TRPM2: variants seen among roughly 807,000 people sequenced by gnomAD.
TRPM2 encodes the protein estrogen-responsive element-associated gene 1 protein.
TRPM2 carries 161 observed loss-of-function variants against 174.0 expected under a neutral mutation model. The ratio of observed to expected loss-of-function variants is 0.93; its 90% CI spans 0.81 to 1.05. The LOEUF (loss-of-function observed/expected upper bound fraction) is 1.05. Among genes scored for constraint, TRPM2 ranks in the 50% least tolerant of loss-of-function variants. The pLI, the probability that TRPM2 is intolerant of heterozygous loss-of-function variation, is 0.00. For missense variants in TRPM2, 2,057 were observed against 2,038.0 expected (o/e 1.01, Z -0.18); for synonymous variants, 954 against 861.3 (o/e 1.11, Z -1.88).
chr21:44,413,227 C>CTT (rs958225632), intron 19 of TRPM2, among the ~76,000 whole-genome samples: 1,690 of 116,134 alleles, frequency 0.015, 42 homozygotes, highest in African/African-American at 0.052. Flanking sequence ...CTTTTCAATT[C>CTT]TTTTTTTTTT....
rs1313929328 is a variant in TRPM2 at position 44,373,545 on chromosome 21, TTATA to T, written c.772-2286_772-2283del. Among the ~76,000 whole-genome samples, 382 of 103,618 alleles carry T rather than the reference TTATA, an allele frequency of 3.7e-3. 2 individuals carry two copies. Among genetic ancestry groups the T allele is most frequent in the African/African-American group, 0.011 (360 of 32,256 alleles). The allele number at this position is 103,618 out of a possible 152,430, so 68.0% of individuals were successfully genotyped here. A position where few individuals can be genotyped will look rare whatever the true frequency, so the allele number is the denominator to read the frequency against. On this transcript the variant is annotated intron_variant, in intron 5 of 31. Transcript: ENST00000397928. ...AGTGAATCTCTTTTCATTTTCTGCA[TTATA>T]TGCGACCTGCATTATATGCGACCTG...
intron 19 of TRPM2, among the ~76,000 whole-genome samples, chr21:44,409,404 G>A (rs894857104): frequency 6.6e-6 from 1 of 152,098 alleles, no homozygotes; most frequent in Non-Finnish European, 1.5e-5. Context: ...TAACATAAGG[G>A]CTTATTTCTA....
chr21:44,437,307 C>A, intron 29 of TRPM2, 140 bp downstream of exon 29: 1 of 694,392 alleles, frequency 1.4e-6, no homozygotes, highest in Non-Finnish European at 2.4e-6. Context: ...CGAGACCCCG[C>A]CTGTTTTGTC....
chr21:44,398,060 G>A (rs945451692), intron 13 of TRPM2, among the ~76,000 whole-genome samples, 184 bp downstream of exon 13: 1 of 152,206 alleles, frequency 6.6e-6, no homozygotes, highest in Non-Finnish European at 1.5e-5. Context: ...CCACCCAGTG[G>A]GTTCGTCTTG....
chr21:44,406,128 G>C (rs1411486490), intron 18 of TRPM2, 91 bp downstream of exon 18: 7 of 1,510,948 alleles, frequency 4.6e-6, no homozygotes, highest in Non-Finnish European at 6.2e-6. Context: ...CTCGGACTGG[G>C]GCTTAAACAC....
intron 25 of TRPM2, among the ~76,000 whole-genome samples, chr21:44,426,114 C>A (rs1025985436): frequency 6.6e-6 from 1 of 151,890 alleles, no homozygotes; most frequent in Non-Finnish European, 1.5e-5. Context: ...CAGGGCCCAG[C>A]CCCCCGGCCC....
intron 9 of TRPM2, among the ~76,000 whole-genome samples, chr21:44,390,269 C>T (rs750634618): frequency 2.0e-4 from 30 of 152,184 alleles, no homozygotes; most frequent in Non-Finnish European, 4.0e-4. Context: ...TGTTTTCTGA[C>T]GGCAGTTTTG....
At chr21:44,435,325 A>T in intron 28 of TRPM2, 108 bp downstream of exon 28, 2 of 1,238,300 alleles carry the variant, frequency 1.6e-6, no homozygotes, top group Non-Finnish European at 2.3e-6. Context: ...GGCGGCTTTG[A>T]TGCTTGGCAC....
intron 2 of TRPM2, among the ~76,000 whole-genome samples, chr21:44,363,558 A>G (rs1294139135): frequency 6.6e-6 from 1 of 151,818 alleles, no homozygotes; most frequent in African/African-American, 2.4e-5. Flanking sequence ...GGAAATTTAT[A>G]TTTTTTCATT....
intron 2 of TRPM2, among the ~76,000 whole-genome samples, chr21:44,363,850 C>T (rs1470149566): frequency 6.6e-6 from 1 of 152,150 alleles, no homozygotes; most frequent in African/African-American, 2.4e-5. Flanking sequence ...ATCACTGCCC[C>T]ACAAAGGGTG....
chr21:44,382,672 G>C, intron 8 of TRPM2, 46 bp from the exon 9 acceptor site: 4 of 1,580,594 alleles, frequency 2.5e-6, no homozygotes, highest in Non-Finnish European at 3.5e-6. Context: ...AGGAGGCAGG[G>C]GTTCAGGAGT....
At chr21:44,417,197 C>T (rs1455972571) in intron 20 of TRPM2, among the ~76,000 whole-genome samples, 5 of 116,888 alleles carry the variant, frequency 4.3e-5, no homozygotes, top group African/African-American at 6.9e-5. Context: ...GGCACGTGGG[C>T]GTGGCTCTGC....
chr21:44,368,954 G>T (rs547763176), intron 4 of TRPM2, among the ~76,000 whole-genome samples: 2 of 152,328 alleles, frequency 1.3e-5, no homozygotes, highest in South Asian at 4.1e-4. Context: ...GGAGGCGGCA[G>T]GGACCGGGAG....
intron 6 of TRPM2, 111 bp from the exon 7 acceptor site, chr21:44,377,601 C>A (rs1160741038): frequency 2.7e-5 from 38 of 1,426,548 alleles, no homozygotes; most frequent in Non-Finnish European, 3.7e-5. Flanking sequence ...CAGGGTCTTG[C>A]CCCCCACCTC....
Position 44,353,661 on chromosome 21 carries a change from G to A in TRPM2, c.-40G>A, listed in dbSNP as rs1269821713. On this transcript the variant is annotated 5_prime_UTR_variant, in exon 1 of 32. Transcript: ENST00000397928. ...CGAGCTGGAGAGAGGACTGTCCTGA[G>A]GGCAGCAGGCCTGGTTGCAGCTGGC... is the stretch of plus-strand genomic sequence containing the variant. The A allele has an allele frequency of 6.9e-6, 10 of 1,445,514 alleles. No individual in the cohort carries two copies. Among genetic ancestry groups the A allele is most frequent in the Non-Finnish European group, 1.8e-6 (2 of 1,100,244 alleles). The allele number at this position is 1,445,514 out of a possible 1,614,324, so 89.5% of individuals were successfully genotyped here.
chr21:44,377,917 A>AGATG, intron 7 of TRPM2, 144 bp downstream of exon 7: 1 of 999,924 alleles, frequency 1.0e-6, no homozygotes, highest in Non-Finnish European at 1.5e-6. Flanking sequence ...AAGAGCATCT[A>AGATG]CGCTGTGTCG....
chr21:44,374,334 C>T (rs1041125610), intron 5 of TRPM2, among the ~76,000 whole-genome samples: 2 of 152,076 alleles, frequency 1.3e-5, no homozygotes, highest in East Asian at 1.9e-4. Flanking sequence ...TCTAAGGCAG[C>T]GGTCCCCAGC....
In TRPM2 at chr21:44,427,056, C is replaced by T. The variant is rs371900365; in HGVS notation, c.3919C>T (p.Leu1307=). 3 of 1,607,814 alleles carry T rather than the reference C, an allele frequency of 1.9e-6. No individual in the cohort carries two copies. The African/African-American group carries it at 4.0e-5, about 21-fold the overall frequency. Residue 1307 remains leucine (L), a synonymous_variant, in exon 27 of 32, where the codon CTG becomes TTG. Transcript: ENST00000397928. ...STIQYNVVDG[L]RDRRSFHGPY... The stretch of plus-strand genomic sequence containing the variant: ...GATCCAGTACAACGTGGTGGATGGC[C>T]TGAGGGACCGCCGGAGCTTCCACGG...
intron 28 of TRPM2, among the ~76,000 whole-genome samples, 192 bp from the exon 29 acceptor site, chr21:44,436,870 G>A (rs563133522): frequency 1.3e-5 from 2 of 152,298 alleles, no homozygotes; most frequent in African/African-American, 4.8e-5. Flanking sequence ...TGATGGAAGT[G>A]AAGAAGGACG....
Sources: allele counts gnomAD v4.1 joint callset (sites outside exome capture counted in the v4.1 genomes callset), GRCh38; gene constraint gnomAD v4.1.1; transcripts MANE v1.5; gene names NCBI Gene and HGNC (gene_info 2026-07-23, HGNC 2026-07-21).